Variants in UBAC2 observed in about 807,000 individuals in gnomAD.
The protein encoded by UBAC2 is ubiquitin-associated domain-containing protein 2.
A neutral mutation model predicts 44.0 loss-of-function variants in UBAC2; 26 were observed. That is an observed-to-expected ratio of 0.59 (90% confidence interval 0.43 to 0.82). The LOEUF (loss-of-function observed/expected upper bound fraction) is 0.82. Ranked by LOEUF, UBAC2 falls within the 40% of genes least tolerant of loss-of-function variation. The pLI, the probability that UBAC2 is intolerant of heterozygous loss-of-function variation, is 0.00. For missense variants in UBAC2, 329 were observed against 419.4 expected (o/e 0.78, Z 1.88); for synonymous variants, 155 against 154.3 (o/e 1.00, Z -0.04).
intron 6 of UBAC2, among the ~76,000 whole-genome samples, chr13:99,323,235 A>T (rs1204375331): frequency 6.6e-6 from 1 of 152,136 alleles, no homozygotes; most frequent in Non-Finnish European, 1.5e-5. Context: ...CAAGCCTCCC[A>T]GTTAAACTTA....
At chr13:99,353,948 G>A (rs1259211106) in intron 7 of UBAC2, among the ~76,000 whole-genome samples, 2 of 152,242 alleles carry the variant, frequency 1.3e-5, no homozygotes, top group Admixed American at 6.5e-5. Flanking sequence ...TTTCAGAGTC[G>A]TGAGTCACGA....
chr13:99,222,196 CA>C (rs2043058922), intron 1 of UBAC2, among the ~76,000 whole-genome samples: 1 of 152,124 alleles, frequency 6.6e-6, no homozygotes. Flanking sequence ...AAGAAGCAAA[CA>C]AAGAATTTCA....
At chr13:99,369,732 A>C (rs772954926) in intron 8 of UBAC2, among the ~76,000 whole-genome samples, 5 of 152,236 alleles carry the variant, frequency 3.3e-5, no homozygotes, top group Non-Finnish European at 7.3e-5. Context: ...TACAGAAGAG[A>C]AATTGGACAC....
chr13:99,201,312 GC>G, intron 1 of UBAC2: 1 of 1,493,648 alleles, frequency 6.7e-7, no homozygotes, highest in Non-Finnish European at 8.9e-7. Context: ...CCCTTACCAT[GC>G]CCCATTCTTT....
intron 1 of UBAC2, among the ~76,000 whole-genome samples, chr13:99,211,852 C>T (rs2042940123): frequency 6.6e-6 from 1 of 151,316 alleles, no homozygotes; most frequent in South Asian, 2.1e-4. Flanking sequence ...TTGGAAACTG[C>T]ATCATTGTGT....
chr13:99,331,756 T>C (rs1245044515), intron 6 of UBAC2, among the ~76,000 whole-genome samples: 4 of 152,208 alleles, frequency 2.6e-5, no homozygotes, highest in Admixed American at 6.5e-5. Context: ...GGTAATAAAT[T>C]AGGGAATGTA....
At chr13:99,311,341 A>G (rs2044409250) in intron 4 of UBAC2, among the ~76,000 whole-genome samples, 1 of 152,166 alleles carries the variant, frequency 6.6e-6, no homozygotes, top group African/African-American at 2.4e-5. Context: ...CCTCTCTGAG[A>G]AGGTGCTGTC....
intron 4 of UBAC2, among the ~76,000 whole-genome samples, chr13:99,262,474 G>A (rs1424490942): frequency 6.6e-6 from 1 of 151,936 alleles, no homozygotes; most frequent in Admixed American, 6.6e-5. Flanking sequence ...AGGCTGAGGC[G>A]GGTGGATCAC....
chr13:99,229,855 C>T (rs879217540), intron 1 of UBAC2, among the ~76,000 whole-genome samples: 3 of 152,152 alleles, frequency 2.0e-5, no homozygotes, highest in Non-Finnish European at 2.9e-5. Flanking sequence ...AAAACTTCAG[C>T]GACATTGAGA....
chr13:99,354,791 C>T (rs986950971), intron 7 of UBAC2, among the ~76,000 whole-genome samples: 7 of 152,076 alleles, frequency 4.6e-5, no homozygotes, highest in Middle Eastern at 3.2e-3. Flanking sequence ...ACTCACTGAC[C>T]GTGGCATGCA....
intron 1 of UBAC2, among the ~76,000 whole-genome samples, chr13:99,229,189 T>C (rs1037481141): frequency 6.6e-6 from 1 of 152,170 alleles, no homozygotes; most frequent in Non-Finnish European, 1.5e-5. Flanking sequence ...TGGCTGCTCA[T>C]AGTAGTGTGT....
At chr13:99,319,708 C>A (rs1283147807) in intron 6 of UBAC2, among the ~76,000 whole-genome samples, 1 of 152,226 alleles carries the variant, frequency 6.6e-6, no homozygotes, top group African/African-American at 2.4e-5. Context: ...AACACCTAAG[C>A]TATCCGTCTG....
At chr13:99,286,059 A>T (rs117405531) in intron 4 of UBAC2, among the ~76,000 whole-genome samples, 2,350 of 152,292 alleles carry the variant, frequency 0.015, 41 homozygotes, top group South Asian at 0.021. Context: ...CTGGTAGACC[A>T]GTCCTTATGT....
At chr13:99,232,399 G>GAGATAGATATATACATATATAT (rs1367302629) in intron 1 of UBAC2, among the ~76,000 whole-genome samples, 2 of 109,902 alleles carry the variant, frequency 1.8e-5, no homozygotes, top group Non-Finnish European at 4.2e-5. Context: ...TTAGTTGAGA[G>GAGATAGATATATACATATATAT]ATATAGATAT....
intron 5 of UBAC2, among the ~76,000 whole-genome samples, chr13:99,315,830 A>G (rs1405931969): frequency 6.6e-6 from 1 of 152,108 alleles, no homozygotes; most frequent in Non-Finnish European, 1.5e-5. Flanking sequence ...GGCATAAAGC[A>G]AGTAGTATGT....
chr13:99,385,026 A>G (rs998070562), intron 8 of UBAC2, among the ~76,000 whole-genome samples: 1 of 152,222 alleles, frequency 6.6e-6, no homozygotes, highest in Non-Finnish European at 1.5e-5. Context: ...GATCATGCAT[A>G]TATATTGGCT....
intron 4 of UBAC2, among the ~76,000 whole-genome samples, chr13:99,251,210 C>T (rs1362611183): frequency 6.6e-6 from 1 of 152,170 alleles, no homozygotes; most frequent in Non-Finnish European, 1.5e-5. Flanking sequence ...TACTACTGAT[C>T]TTTCTACATT....
chr13:99,360,745 CA>C (rs943225110), intron 7 of UBAC2, among the ~76,000 whole-genome samples: 3 of 152,218 alleles, frequency 2.0e-5, no homozygotes, highest in African/African-American at 7.2e-5. Flanking sequence ...GCTTTGGCCG[CA>C]GTGGGTTGAT....
chr13:99,209,361 G>A (rs1324065666), intron 1 of UBAC2, among the ~76,000 whole-genome samples: 2 of 152,170 alleles, frequency 1.3e-5, no homozygotes, highest in Non-Finnish European at 2.9e-5. Context: ...GGGAATCAGG[G>A]GACTGCCTTG....
Sources: gnomAD v4.1 joint callset for allele counts (sites outside exome capture counted in the v4.1 genomes callset) on GRCh38, gnomAD v4.1.1 for gene constraint, MANE v1.5 for transcripts, NCBI Gene and HGNC (gene_info 2026-07-23, HGNC 2026-07-21) for gene names.